MKLN1: variants seen among roughly 807,000 people sequenced by gnomAD.
MKLN1 encodes the protein muskelin 1.
In MKLN1, 18 loss-of-function variants were observed where a neutral mutation model predicts 99.0. The observed-to-expected ratio is 0.18, with a 90% CI of 0.13 to 0.27. The LOEUF (loss-of-function observed/expected upper bound fraction) is 0.27. MKLN1 is among the 10% of genes least tolerant of loss of function. MKLN1 has a pLI of 1.00. For synonymous variants in MKLN1, 288 were observed against 293.2 expected (o/e 0.98, Z 0.18); for missense variants, 621 against 875.9 (o/e 0.71, Z 3.67).
chr7:131,275,638 C>T (rs1306741847), intron 3 of MKLN1, among the ~76,000 whole-genome samples: 3 of 130,308 alleles, frequency 2.3e-5, no homozygotes, highest in Non-Finnish European at 4.7e-5. Context: ...ACCATATTGG[C>T]CAGGCTGGTC....
chr7:131,401,575 T>G (rs981954224), intron 6 of MKLN1, among the ~76,000 whole-genome samples: 1 of 152,196 alleles, frequency 6.6e-6, no homozygotes, highest in African/African-American at 2.4e-5. Context: ...TTTCCCTGCT[T>G]CTTTCTTTTT....
intron 3 of MKLN1, among the ~76,000 whole-genome samples, chr7:131,314,218 A>G (rs537839047): frequency 1.3e-5 from 2 of 152,310 alleles, no homozygotes; most frequent in Middle Eastern, 3.4e-3. Flanking sequence ...CACGATACAA[A>G]AGAGAGCAGA....
chr7:131,272,198 G>A lies in MKLN1; in HGVS notation c.-179+69224G>A, dbSNP rs1797895412. Among the ~76,000 whole-genome samples, 4 of 152,218 alleles carry A rather than the reference G, an allele frequency of 2.6e-5. No homozygotes were observed. In the South Asian group the frequency reaches 8.3e-4, roughly 32 times the overall value. The stretch of plus-strand genomic sequence containing the variant: ...AAGGACCCTGGGTGGAAGGCTACAT[G>A]CAGCTGTTACATGGATAAGAAATAA... On this transcript the variant is annotated intron_variant, in intron 3 of 7. Coordinates refer to the MKLN1 transcript ENST00000416992.
intron 3 of MKLN1, among the ~76,000 whole-genome samples, chr7:131,261,044 G>A (rs186616259): frequency 6.6e-6 from 1 of 152,282 alleles, no homozygotes; most frequent in Admixed American, 6.5e-5. Flanking sequence ...AAAAACCCTG[G>A]AAGATAACCT....
chr7:131,455,188 A>G (rs1333422865), intron 12 of MKLN1, among the ~76,000 whole-genome samples: 1 of 152,248 alleles, frequency 6.6e-6, no homozygotes, highest in African/African-American at 2.4e-5. Context: ...AGATTAATTC[A>G]TAAGTTAATG....
At chr7:131,224,941 C>T (rs1797122874) in intron 3 of MKLN1, among the ~76,000 whole-genome samples, 1 of 151,950 alleles carries the variant, frequency 6.6e-6, no homozygotes, top group Admixed American at 6.6e-5. Flanking sequence ...GGCATGGTGG[C>T]AGGCACCTGT....
chr7:131,359,987 G>C (rs1322565221), intron 1 of MKLN1, among the ~76,000 whole-genome samples: 1 of 152,160 alleles, frequency 6.6e-6, no homozygotes, highest in East Asian at 1.9e-4. Context: ...GACTTCAAAT[G>C]ATCCACCCGC....
intron 3 of MKLN1, among the ~76,000 whole-genome samples, chr7:131,261,213 C>G (rs140368883): frequency 6.6e-6 from 1 of 152,274 alleles, no homozygotes; most frequent in Non-Finnish European, 1.5e-5. Flanking sequence ...AGACAACCTA[C>G]AGAATGAGAG....
intron 3 of MKLN1, among the ~76,000 whole-genome samples, chr7:131,259,851 G>A (rs1027815814): frequency 6.6e-6 from 1 of 152,132 alleles, no homozygotes; most frequent in Non-Finnish European, 1.5e-5. Flanking sequence ...GTCCTAGCCA[G>A]AGCAGTCAGG....
chr7:131,215,307 C>G (rs1376431262), intron 3 of MKLN1, among the ~76,000 whole-genome samples: 1 of 152,234 alleles, frequency 6.6e-6, no homozygotes, highest in African/African-American at 2.4e-5. Context: ...CTCAGCCTCC[C>G]AAAGTGGTGG....
intron 2 of MKLN1, among the ~76,000 whole-genome samples, chr7:131,155,468 G>A (rs185138350): frequency 6.6e-6 from 1 of 152,000 alleles, no homozygotes; most frequent in East Asian, 1.9e-4. Flanking sequence ...ATATCTTTTT[G>A]GTAATTTTGG....
At chr7:131,283,848 G>A (rs1387224988) in intron 3 of MKLN1, among the ~76,000 whole-genome samples, 2 of 152,154 alleles carry the variant, frequency 1.3e-5, no homozygotes, top group African/African-American at 4.8e-5. Flanking sequence ...AGTTTTGCAT[G>A]TTTAAACCTG....
intron 1 of MKLN1, among the ~76,000 whole-genome samples, chr7:131,365,537 T>C (rs1198017067): frequency 2.0e-5 from 3 of 152,206 alleles, no homozygotes; most frequent in African/African-American, 4.8e-5. Context: ...TCCAGGGTGG[T>C]ATTGCCTAGG....
chr7:131,174,564 AG>A (rs1258140093), intron 2 of MKLN1, among the ~76,000 whole-genome samples: 1 of 152,160 alleles, frequency 6.6e-6, no homozygotes, highest in Non-Finnish European at 1.5e-5. Flanking sequence ...TCCCGACATG[AG>A]GTGAGGGCAG....
intron 1 of MKLN1, among the ~76,000 whole-genome samples, chr7:131,140,774 C>CT (rs35228515): frequency 0.52 from 76,517 of 146,854 alleles, 20,447 homozygotes; most frequent in Non-Finnish European, 0.6. Flanking sequence ...ACACACCATC[C>CT]TTTTTTTTTT....
chr7:131,328,207 A>G, intron 1 of MKLN1: 1 of 608,684 alleles, frequency 1.6e-6, no homozygotes, highest in East Asian at 2.9e-5. Flanking sequence ...GCCCAGGGAG[A>G]AGGGGCGAGG....
intron 2 of MKLN1, among the ~76,000 whole-genome samples, chr7:131,158,171 C>T (rs1002050918): frequency 1.3e-5 from 2 of 152,102 alleles, no homozygotes; most frequent in African/African-American, 4.8e-5. Flanking sequence ...TTAGGCCAGG[C>T]GCTCAAGCCT....
At chr7:131,156,288 G>A (rs1262021162) in intron 2 of MKLN1, among the ~76,000 whole-genome samples, 1 of 151,946 alleles carries the variant, frequency 6.6e-6, no homozygotes, top group African/African-American at 2.4e-5. Flanking sequence ...AGCACTTTGG[G>A]AGGCCAAGGC....
intron 2 of MKLN1, among the ~76,000 whole-genome samples, chr7:131,183,714 C>T (rs1246294011): frequency 2.0e-5 from 3 of 152,274 alleles, no homozygotes; most frequent in Non-Finnish European, 4.4e-5. Flanking sequence ...TGAAGTTTTC[C>T]AGCCAGGCAA....
Sources: allele counts gnomAD v4.1 joint callset (sites outside exome capture counted in the v4.1 genomes callset), GRCh38; gene constraint gnomAD v4.1.1; transcripts MANE v1.5; gene names NCBI Gene and HGNC (gene_info 2026-07-23, HGNC 2026-07-21).